CEP128: variants seen among roughly 807,000 people sequenced by gnomAD.
CEP128 encodes the protein centrosomal protein 128kDa.
Under a neutral mutation model 156.7 loss-of-function variants are expected in CEP128, and 132 were observed. The observed-to-expected ratio is 0.84, with a 90% confidence interval of 0.73 to 0.97. The LOEUF (loss-of-function observed/expected upper bound fraction) is 0.97, where lower values mean the gene tolerates loss of function less well. CEP128 is among the 50% of genes least tolerant of loss of function. CEP128 has a pLI of 0.00. For missense variants in CEP128, 1,252 were observed against 1,281.9 expected (o/e 0.98, Z 0.36); for synonymous variants, 469 against 448.9 (o/e 1.04, Z -0.57).
intron 19 of CEP128, among the ~76,000 whole-genome samples, chr14:80,607,577 T>C (rs1019690998): frequency 2.0e-5 from 3 of 152,180 alleles, no homozygotes; most frequent in African/African-American, 7.2e-5. Context: ...ATCAAGATAC[T>C]GTTAATCTTT....
At chr14:80,841,172 ATTAAAC>A (rs1262831387) in intron 9 of CEP128, among the ~76,000 whole-genome samples, 8 of 152,204 alleles carry the variant, frequency 5.3e-5, no homozygotes, top group African/African-American at 1.7e-4. Context: ...TTAGAACAAA[ATTAAAC>A]TTAAAGGGGA....
chr14:80,608,653 T>A (rs67116258), intron 19 of CEP128, among the ~76,000 whole-genome samples: 17,463 of 152,236 alleles, frequency 0.11, 1,346 homozygotes, highest in East Asian at 0.32. Flanking sequence ...AAATGTATCA[T>A]GCTCTCTTGA....
chr14:80,819,571 C>A (rs1270606106), intron 13 of CEP128, among the ~76,000 whole-genome samples: 1 of 152,182 alleles, frequency 6.6e-6, no homozygotes, highest in East Asian at 1.9e-4. Flanking sequence ...TATAAGGGCA[C>A]TAATCTCATT....
chr14:80,564,546 G>A (rs1274018053), intron 20 of CEP128, among the ~76,000 whole-genome samples: 1 of 152,220 alleles, frequency 6.6e-6, no homozygotes, highest in African/African-American at 2.4e-5. Flanking sequence ...AGGAAATTAT[G>A]ACAGTGACAG....
At chr14:80,958,680 C>G (rs899179652) in intron 1 of CEP128, among the ~76,000 whole-genome samples, 3 of 151,956 alleles carry the variant, frequency 2.0e-5, no homozygotes, top group South Asian at 4.2e-4. Flanking sequence ...TCTTTCTAGA[C>G]AAGAAAGATC....
chr14:80,499,517 T>A (rs985794299), intron 24 of CEP128, among the ~76,000 whole-genome samples: 3 of 152,248 alleles, frequency 2.0e-5, no homozygotes, highest in Non-Finnish European at 4.4e-5. Flanking sequence ...ATTTTCCCCA[T>A]GAAGAATAAC....
chr14:80,889,136 A>G (rs75760206), intron 8 of CEP128, among the ~76,000 whole-genome samples: 3,337 of 152,368 alleles, frequency 0.022, 42 homozygotes, highest in Middle Eastern at 0.071. Flanking sequence ...GAGAGGACAC[A>G]AACAAATGGA....
intron 2 of CEP128, among the ~76,000 whole-genome samples, chr14:80,933,728 A>G (rs1402688950): frequency 6.6e-6 from 1 of 152,218 alleles, no homozygotes; most frequent in Non-Finnish European, 1.5e-5. Context: ...TCAAGTAGGA[A>G]AAGGAATAGA....
intron 19 of CEP128, among the ~76,000 whole-genome samples, chr14:80,652,020 G>A (rs1894926833): frequency 6.6e-6 from 1 of 151,932 alleles, no homozygotes; most frequent in Non-Finnish European, 1.5e-5. Context: ...GGGTGTTAAA[G>A]TCTCCCACTA....
chr14:80,818,343 A>C (rs567797546), intron 13 of CEP128, among the ~76,000 whole-genome samples: 30 of 152,232 alleles, frequency 2.0e-4, no homozygotes, highest in Non-Finnish European at 4.1e-4. Flanking sequence ...ATCCAGCAAA[A>C]CTATCCTTTA....
upstream of CEP128, chr14:80,942,188 T>G (rs1489339786): frequency 6.6e-6 from 1 of 152,158 alleles, no homozygotes; most frequent in African/African-American, 2.4e-5. Flanking sequence ...GGGTCCAGTA[T>G]ATTGTTCCAA....
At chr14:80,652,862 T>A (rs1894966895) in intron 19 of CEP128, among the ~76,000 whole-genome samples, 1 of 152,192 alleles carries the variant, frequency 6.6e-6, no homozygotes, top group South Asian at 2.1e-4. Context: ...GGATTATAAA[T>A]CATTCTACTA....
chr14:80,503,887 T>C (rs1457281134), intron 24 of CEP128, among the ~76,000 whole-genome samples: 1 of 152,110 alleles, frequency 6.6e-6, no homozygotes, highest in Non-Finnish European at 1.5e-5. Flanking sequence ...CCACACCACT[T>C]ATCAGAAATC....
At chr14:80,575,079 T>G (rs944103641) in intron 20 of CEP128, among the ~76,000 whole-genome samples, 2 of 149,520 alleles carry the variant, frequency 1.3e-5, no homozygotes, top group African/African-American at 4.9e-5. Context: ...TATTTTTATA[T>G]ATTTTATTAT....
chr14:80,778,308 T>C (rs1900913393), intron 15 of CEP128, among the ~76,000 whole-genome samples: 1 of 152,326 alleles, frequency 6.6e-6, no homozygotes, highest in South Asian at 2.1e-4. Context: ...GAGAGTCAGA[T>C]GCAACAATCT....
At chr14:80,498,122 T>C (rs1397124636) in intron 24 of CEP128, among the ~76,000 whole-genome samples, 1 of 152,160 alleles carries the variant, frequency 6.6e-6, no homozygotes, top group East Asian at 1.9e-4. Context: ...CTTCTCCAAC[T>C]TGAAAAATGA....
At chr14:80,557,914 T>C (rs1330489538) in intron 21 of CEP128, among the ~76,000 whole-genome samples, 1 of 152,176 alleles carries the variant, frequency 6.6e-6, no homozygotes, top group African/African-American at 2.4e-5. Context: ...TTTTTAAATG[T>C]AAAATATGCA....
At chr14:80,895,277 T>TTACAA (rs1889292301) in intron 8 of CEP128, among the ~76,000 whole-genome samples, 1 of 152,144 alleles carries the variant, frequency 6.6e-6, no homozygotes, top group Admixed American at 6.5e-5. Context: ...CAAAGAGGTC[T>TTACAA]TTGTAGCAAT....
chr14:80,550,215 T>C (rs950732585), intron 21 of CEP128, among the ~76,000 whole-genome samples: 2 of 152,202 alleles, frequency 1.3e-5, no homozygotes, highest in Admixed American at 1.3e-4. Context: ...GTTTTGAAAA[T>C]AAGGGAGATA....
Sources: gnomAD v4.1 joint callset for allele counts (sites outside exome capture counted in the v4.1 genomes callset) on GRCh38, gnomAD v4.1.1 for gene constraint, MANE v1.5 for transcripts, NCBI Gene and HGNC (gene_info 2026-07-23, HGNC 2026-07-21) for gene names.